The following COXFA4L3 variants were observed in gnomAD, a reference collection of about 807,000 sequenced individuals.
COXFA4L3 encodes MIR147B host.
chr15:45,431,009 C>T, the COXFA4L3 span: 1 of 1,613,884 alleles, frequency 6.2e-7, no homozygotes, highest in Non-Finnish European at 8.5e-7. Flanking sequence ...AGCTCATTCC[C>T]TTGGTGGTGT....
At chr15:45,432,129 A>G in the COXFA4L3 span, 1 of 1,612,114 alleles carries the variant, frequency 6.2e-7, no homozygotes, top group Non-Finnish European at 8.5e-7. Context: ...CTGTACCTCA[A>G]AAGGTATTGT....
At chr15:45,432,853 C>G in the COXFA4L3 span, 1 of 970,284 alleles carries the variant, frequency 1.0e-6, no homozygotes, top group South Asian at 1.5e-5. Flanking sequence ...GATGCTTTTT[C>G]TAAAGGGGAG....
the COXFA4L3 span, chr15:45,432,181 C>A: frequency 1.3e-6 from 2 of 1,498,242 alleles, no homozygotes; most frequent in Non-Finnish European, 1.8e-6. Flanking sequence ...CAAACCTTAG[C>A]ACCTTTGTGA....
the COXFA4L3 span, chr15:45,430,636 G>A: frequency 1.5e-6 from 1 of 650,084 alleles, no homozygotes. Context: ...CATCGTCCGT[G>A]CGCACCGCCC....
chr15:45,431,174 C>G, the COXFA4L3 span: 1 of 1,159,048 alleles, frequency 8.6e-7, no homozygotes, highest in Non-Finnish European at 1.2e-6. Context: ...TATTTTTTTC[C>G]CATGGATGAG....
At chr15:45,431,893 C>T in the COXFA4L3 span, among the ~76,000 whole-genome samples, 13,702 of 152,190 alleles carry the variant, frequency 0.09, 2,064 homozygotes, top group African/African-American at 0.31. Context: ...TGAGCCACAC[C>T]ATGAAACTCC....
chr15:45,432,118 A>G, the COXFA4L3 span: 3 of 1,613,298 alleles, frequency 1.9e-6, no homozygotes, highest in South Asian at 3.3e-5. Flanking sequence ...TGTGGACCCT[A>G]CTGTACCTCA....
chr15:45,433,096 C>T, the COXFA4L3 span: 7 of 1,374,016 alleles, frequency 5.1e-6, no homozygotes, highest in Non-Finnish European at 7.3e-6. Flanking sequence ...TTCTGGACAC[C>T]AGTGTGCGGA....
chr15:45,430,817 G>C, the COXFA4L3 span: 1 of 1,611,120 alleles, frequency 6.2e-7, no homozygotes, highest in Non-Finnish European at 8.5e-7. Flanking sequence ...TCCAACTCCT[G>C]ATGAAAAGGA....
the COXFA4L3 span, chr15:45,433,076 A>G: frequency 2.7e-6 from 4 of 1,495,198 alleles, no homozygotes; most frequent in East Asian, 4.5e-5. Flanking sequence ...ACATTTCTGC[A>G]CAAACTAGAT....
the COXFA4L3 span, chr15:45,432,935 T>C: frequency 3.1e-6 from 5 of 1,592,828 alleles, no homozygotes; most frequent in African/African-American, 6.8e-5. Context: ...TTTTTTTCCT[T>C]TTTTCTCTTC....
the COXFA4L3 span, chr15:45,432,097 C>T: frequency 8.1e-6 from 13 of 1,613,478 alleles, no homozygotes; most frequent in Non-Finnish European, 1.1e-5. Context: ...AAATCCAGAA[C>T]CTTGGGAAAC....
At chr15:45,432,281 C>G in the COXFA4L3 span, 4 of 644,036 alleles carry the variant, frequency 6.2e-6, no homozygotes, top group Non-Finnish European at 1.1e-5. Context: ...TTTTAAGAGC[C>G]TACTCTATGC....
chr15:45,432,430 C>T, the COXFA4L3 span, among the ~76,000 whole-genome samples: 3,192 of 152,262 alleles, frequency 0.021, 144 homozygotes, highest in African/African-American at 0.075. Flanking sequence ...TTTGGGAGGC[C>T]GAGGCGGGTG....
the COXFA4L3 span, chr15:45,432,804 G>A: frequency 6.1e-6 from 4 of 650,874 alleles, no homozygotes; most frequent in Non-Finnish European, 2.6e-6. Flanking sequence ...TTTTGTGCAT[G>A]TTTTAGATAT....
At chr15:45,433,150 C>T in the COXFA4L3 span, 18 of 950,610 alleles carry the variant, frequency 1.9e-5, no homozygotes, top group East Asian at 4.3e-4. Flanking sequence ...ATTTTTTGGG[C>T]TCTGGATAAG....
chr15:45,430,836 A>G, the COXFA4L3 span: 1 of 1,607,368 alleles, frequency 6.2e-7, no homozygotes, highest in African/African-American at 1.3e-5. Context: ...GAAGGAAGTA[A>G]GTTTTAAAAA....
the COXFA4L3 span, chr15:45,430,737 A>G: frequency 3.3e-5 from 51 of 1,542,486 alleles, no homozygotes; most frequent in Non-Finnish European, 4.1e-5. Context: ...GGCGCCCACC[A>G]GGCGATCAAT....
At chr15:45,432,918 G>C in the COXFA4L3 span, 1 of 1,553,060 alleles carries the variant, frequency 6.4e-7, no homozygotes, top group Non-Finnish European at 8.8e-7. Context: ...TTTAACAAAA[G>C]GTTTTTTTTT....
Sources: allele counts gnomAD v4.1 joint callset (sites outside exome capture counted in the v4.1 genomes callset), GRCh38; gene constraint gnomAD v4.1.1; transcripts MANE v1.5; gene names NCBI Gene and HGNC (gene_info 2026-07-23, HGNC 2026-07-21).